Variants in ABCA1 observed in about 807,000 individuals in gnomAD.
ABCA1 encodes phospholipid-transporting ATPase ABCA1.
In ABCA1, 133 loss-of-function variants were observed where a neutral mutation model predicts 262.5. The ratio of observed to expected loss-of-function variants is 0.51; its 90% confidence interval spans 0.44 to 0.59. The LOEUF (loss-of-function observed/expected upper bound fraction) is 0.59, where lower values mean the gene tolerates loss of function less well. Ranked by LOEUF, ABCA1 falls within the 20% of genes least tolerant of loss-of-function variation. ABCA1 has a pLI of 0.00. For missense variants in ABCA1, 2,452 were observed against 2,777.5 expected, an observed-to-expected ratio of 0.88 and a Z score of 2.63; for synonymous variants, 1,022 against 1,043.5, an observed-to-expected ratio of 0.98 and a Z score of 0.40.
rs755300347 is a variant in ABCA1, at chr9:104,837,572, G to A, written c.1055-5C>T. ...TCAAATCATTGCAGTAAGGAGCTATGAAGAAGAGGAGAGACAAATGCTCAT... is the reference window on the plus strand; with the variant it reads ...TCAAATCATTGCAGTAAGGAGCTATAAAGAAGAGGAGAGACAAATGCTCAT... On this transcript the variant is annotated splice_polypyrimidine_tract_variant and splice_region_variant and intron_variant, in intron 9 of 49. Transcript: ENST00000374736. 6.2e-7 allele frequency: 1 copy of A among 1,613,900 alleles called. No individual in the cohort carries two copies. Among genetic ancestry groups the A allele is most frequent in the Non-Finnish European group, 8.5e-7 (1 of 1,179,968 alleles).
At chr9:104,803,449 T>A in intron 32 of ABCA1, 133 bp from the exon 33 acceptor site, 2 of 931,436 alleles carry the variant, frequency 2.1e-6, no homozygotes, top group Non-Finnish European at 3.5e-6. Flanking sequence ...GCTGGCCTTG[T>A]AGGGTTGTGC....
chr9:104,872,106 C>T (rs1837675377), intron 5 of ABCA1, among the ~76,000 whole-genome samples: 1 of 152,034 alleles, frequency 6.6e-6, no homozygotes, highest in South Asian at 2.1e-4. Context: ...TTTGTGGGCA[C>T]AGAAAAGTGA....
intron 7 of ABCA1, among the ~76,000 whole-genome samples, chr9:104,849,940 T>C (rs947300741): frequency 6.6e-6 from 1 of 152,200 alleles, no homozygotes; most frequent in African/African-American, 2.4e-5. Flanking sequence ...TTGTTATACA[T>C]AGAATGTAAG....
rs560876935 is a variant in ABCA1 at position 104,827,376 on chromosome 9, T to C, written c.2116-207A>G. ...TACCCAAAACTACGCAGAAAAATAA[T>C]GGCAGAGTTATGAATACAACAGAGT... On this transcript the variant is annotated intron_variant, in intron 15 of 49. Coordinates refer to ENST00000374736, the MANE Select transcript of ABCA1 (RefSeq NM_005502.4). 2.6e-5 allele frequency among the ~76,000 whole-genome samples: 4 copies of C among 152,306 alleles called. No individual in the cohort carries two copies. In the East Asian group the frequency reaches 7.7e-4, roughly 29 times the overall value.
intron 1 of ABCA1, among the ~76,000 whole-genome samples, chr9:104,926,678 G>C (rs554884930): frequency 1.3e-5 from 2 of 152,154 alleles, no homozygotes; most frequent in Non-Finnish European, 2.9e-5. Flanking sequence ...CCACCCTCAC[G>C]GCAGAGCCCA....
In ABCA1 at chr9:104,817,469, C is replaced by T. The variant is rs13292447; in HGVS notation, c.3463-65G>A. ...AGCAAGGCAGAGCCACCAGCACCTT[C>T]GCCGGGGAGGGCTTCCAAGAAGCTC... is the stretch of plus-strand genomic sequence containing the variant. On this transcript the variant is annotated intron_variant, in intron 23 of 49. Coordinates refer to ENST00000374736, the MANE Select transcript of ABCA1 (RefSeq NM_005502.4). This position sits in a 1 kb window ranked among gnomAD's most constrained non-coding sequence, Gnocchi z 4.7. 0.027 allele frequency: 42,498 copies of T among 1,558,548 alleles called. 718 individuals are homozygous for T. The highest frequency in any genetic ancestry group is 0.035 in the South Asian group (3,087 of 89,440).
At chr9:104,921,608 T>C (rs1003726694) in intron 1 of ABCA1, among the ~76,000 whole-genome samples, 10 of 152,220 alleles carry the variant, frequency 6.6e-5, no homozygotes, top group African/African-American at 2.2e-4. Flanking sequence ...CAGTCTAACA[T>C]AAACCTAGCC....
At chr9:104,868,147 G>A (rs1837252892) in intron 5 of ABCA1, among the ~76,000 whole-genome samples, 1 of 152,126 alleles carries the variant, frequency 6.6e-6, no homozygotes, top group Admixed American at 6.5e-5. Context: ...ATCAACTGAG[G>A]TCGGAAGTTC....
intron 5 of ABCA1, among the ~76,000 whole-genome samples, chr9:104,868,690 A>G (rs773103809): frequency 6.6e-6 from 1 of 152,192 alleles, no homozygotes; most frequent in Non-Finnish European, 1.5e-5. Context: ...AGCTTCTGTA[A>G]AGTGGGGCAA....
At chr9:104,863,825 A>C (rs1487964976) in intron 5 of ABCA1, among the ~76,000 whole-genome samples, 1 of 152,156 alleles carries the variant, frequency 6.6e-6, no homozygotes, top group East Asian at 1.9e-4. Context: ...TTCCCATCAC[A>C]TGTGACTCTA....
At chr9:104,910,989 G>A (rs540956139) in intron 1 of ABCA1, among the ~76,000 whole-genome samples, 47 of 152,302 alleles carry the variant, frequency 3.1e-4, no homozygotes, top group African/African-American at 1.1e-3. Flanking sequence ...TTGCAAGTGT[G>A]AGCTACCATG....
Position 104,810,888 on chromosome 9 carries a change from C to T in ABCA1, c.4087G>A (p.Val1363Met), listed in dbSNP as rs1183631561. The change falls in exon 29 of 50, where the codon GTG becomes ATG. Residue 1363 changes from valine to methionine, a missense_variant. Physicochemically the swap from Val to Met is conservative, Grantham distance 21 (BLOSUM62 1). This residue lies in a region of ABCA1 where 665 missense variants were observed against 727.3 expected (regional missense o/e 0.91). Transcript: ENST00000374736. Reference protein sequence around the residue: ...LPAVFVCIALVFSLIVPPFGK... With the variant: ...LPAVFVCIALMFSLIVPPFGK... ...AAGGGTGGCACGATCAGGCTGAACACAAGGGCAATGCAGACAAACACAGCT... is the reference window on the plus strand; with the variant it reads ...AAGGGTGGCACGATCAGGCTGAACATAAGGGCAATGCAGACAAACACAGCT... 1 of 1,614,198 alleles carries T rather than the reference C, an allele frequency of 6.2e-7. No individual in the cohort carries two copies. The highest frequency in any genetic ancestry group is 2.2e-5 in the East Asian group (1 of 44,880).
chr9:104,838,219 C>T (rs1473530576), intron 9 of ABCA1, among the ~76,000 whole-genome samples: 1 of 151,408 alleles, frequency 6.6e-6, no homozygotes, highest in East Asian at 1.9e-4. Flanking sequence ...AGGAGAATCG[C>T]TTGAACCCAG....
At chr9:104,784,928 G>A (rs1054155743) in intron 49 of ABCA1, among the ~76,000 whole-genome samples, 4 of 152,156 alleles carry the variant, frequency 2.6e-5, no homozygotes, top group Admixed American at 2.6e-4. Context: ...ACAGGCATGA[G>A]CCACCACGCC....
intron 7 of ABCA1, among the ~76,000 whole-genome samples, chr9:104,851,588 T>C (rs1835384098): frequency 6.6e-6 from 1 of 152,208 alleles, no homozygotes; most frequent in African/African-American, 2.4e-5. Flanking sequence ...AGGTCCCCAC[T>C]TAGAGGATGT....
At chr9:104,800,669 A>C (rs1830255539) in intron 34 of ABCA1, 85 bp from the exon 35 acceptor site, 1 of 1,261,488 alleles carries the variant, frequency 7.9e-7, no homozygotes, top group Admixed American at 1.7e-5. Flanking sequence ...GGACAACAGG[A>C]CGGCCCTGTG....
In ABCA1 at chr9:104,786,965, G is replaced by T. The variant is rs752324602; in HGVS notation, c.6216C>A (p.Thr2072=). Residue 2072 remains threonine (T), a synonymous_variant, in exon 47 of 50, where the codon ACC becomes ACA. Transcript: ENST00000374736. ...GPPVVFLDEP[T]TGMDPKARRF... ...GCCGGGCTTTGGGATCCATGCCTGTGGTGGGTTCATCCTGTAATTAGAATA... is the reference window on the plus strand; with the variant it reads ...GCCGGGCTTTGGGATCCATGCCTGTTGTGGGTTCATCCTGTAATTAGAATA... 1 of 1,613,888 alleles carries T rather than the reference G, an allele frequency of 6.2e-7. No homozygotes were observed. Among genetic ancestry groups the T allele is most frequent in the Admixed American group, 1.7e-5 (1 of 59,996 alleles).
Position 104,785,383 on chromosome 9 carries a change from A to G in ABCA1, c.6645+13T>C. 1 of 1,613,822 alleles carries G rather than the reference A, an allele frequency of 6.2e-7. No homozygotes were observed. The highest frequency in any genetic ancestry group is 8.5e-7 in the Non-Finnish European group (1 of 1,179,828). ...CCCTGAGAAGTAAATCTGTTTTGAC[A>G]CTCAAAGCTTACTTGGTCAAGTGTT... On this transcript the variant is annotated intron_variant, in intron 49 of 49. Coordinates refer to ENST00000374736, the MANE Select transcript of ABCA1 (RefSeq NM_005502.4).
In ABCA1 at chr9:104,855,882, A is replaced by C. The variant is rs964375219; in HGVS notation, c.720+2640T>G. On this transcript the variant is annotated intron_variant, in intron 7 of 49. Transcript: ENST00000374736. ...AGAAACTCACAATACCCTTGGCTGG[A>C]AACAGGGAAACACTCACGCACACAC... 8.1e-6 allele frequency: 13 copies of C among 1,612,762 alleles called. No individual in the cohort carries two copies. The African/African-American group carries it at 1.7e-4, about 22-fold the overall frequency.
Sources: allele counts gnomAD v4.1 joint callset (sites outside exome capture counted in the v4.1 genomes callset), GRCh38; gene constraint gnomAD v4.1.1; regional missense constraint gnomAD v4.1.1; non-coding constraint Gnocchi (gnomAD v3.1); transcripts MANE v1.5; gene names NCBI Gene and HGNC (gene_info 2026-07-23, HGNC 2026-07-21).